The following GCLM variants were observed in gnomAD, a reference collection of about 807,000 sequenced individuals.
GCLM encodes glutamate--cysteine ligase regulatory subunit.
GCLM carries 15 observed loss-of-function variants against 36.0 expected under a neutral mutation model. The ratio of observed to expected loss-of-function variants is 0.42; its 90% confidence interval spans 0.28 to 0.64. GCLM has a LOEUF of 0.64. GCLM is among the 30% of genes least tolerant of loss of function. The pLI is 0.25. For missense variants in GCLM, 242 were observed against 325.5 expected (o/e 0.74, Z 1.97); for synonymous variants, 129 against 122.8 (o/e 1.05, Z -0.34).
chr1:93,903,362 G>C (rs1657028765), intron 2 of GCLM, among the ~76,000 whole-genome samples: 1 of 151,818 alleles, frequency 6.6e-6, no homozygotes, highest in Non-Finnish European at 1.5e-5. Flanking sequence ...TCAGGCTAGA[G>C]TGCAGTGGTG....
In GCLM at chr1:93,889,275, A is replaced by G. The variant is rs577632659; in HGVS notation, c.656-116T>C. 9.9e-5 allele frequency: 55 copies of G among 553,444 alleles called. No homozygotes were observed. The African/African-American group carries it at 1.0e-3, about 10-fold the overall frequency. The allele number at this position is 553,444 out of a possible 1,614,324, so 34.3% of individuals were successfully genotyped here. A position where few individuals can be genotyped will look rare whatever the true frequency, so the allele number is the denominator to read the frequency against. On this transcript the variant is annotated intron_variant, in intron 6 of 6. Coordinates refer to ENST00000370238, the MANE Select transcript of GCLM (RefSeq NM_002061.4). ...AAAGAAACACCTCAACATTTAATAT[A>G]TAATATGCTTATTCTTCATGTGTGT...
intron 2 of GCLM, among the ~76,000 whole-genome samples, chr1:93,902,742 T>C (rs532206679): frequency 3.3e-4 from 51 of 152,294 alleles, no homozygotes; most frequent in Admixed American, 2.9e-3. Context: ...GAAAACCATA[T>C]AATAACATGT....
intron 2 of GCLM, among the ~76,000 whole-genome samples, chr1:93,902,699 T>A (rs915833626): frequency 1.3e-5 from 2 of 152,094 alleles, no homozygotes; most frequent in African/African-American, 4.8e-5. Context: ...TATCTTAGGG[T>A]TTACTCTTGG....
chr1:93,907,322 T>C (rs2301022), intron 1 of GCLM, among the ~76,000 whole-genome samples: 93,955 of 152,108 alleles, frequency 0.62, 29,803 homozygotes, highest in East Asian at 0.77. Flanking sequence ...GAAACCAGAA[T>C]TAGTCCTTTG....
In GCLM at chr1:93,909,328, G is replaced by A; in HGVS notation, c.-165C>T. On this transcript the variant is annotated 5_prime_UTR_variant, in exon 1 of 7. Transcript: ENST00000370238. ...AGCCTGGTCTGCGCTCGGGCCCGAGGGAGGCCGGACGGCGGCTGGGCGGCG... is the reference window on the plus strand; with the variant it reads ...AGCCTGGTCTGCGCTCGGGCCCGAGAGAGGCCGGACGGCGGCTGGGCGGCG... 9.7e-7 allele frequency: 1 copy of A among 1,035,356 alleles called. No individual in the cohort carries two copies. The highest frequency in any genetic ancestry group is 1.2e-6 in the Non-Finnish European group (1 of 863,812). The allele number at this position is 1,035,356 out of a possible 1,614,324, so 64.1% of individuals were successfully genotyped here.
chr1:93,908,889 G>T, intron 1 of GCLM, 149 bp downstream of exon 1: 1 of 564,516 alleles, frequency 1.8e-6, no homozygotes, highest in Non-Finnish European at 2.7e-6. Flanking sequence ...CGTCGACACT[G>T]GCCTCAGCAT....
Position 93,909,130 on chromosome 1 carries a change from G to A in GCLM, c.34C>T (p.Leu12=), listed in dbSNP as rs776524476. The A allele has an allele frequency of 7.1e-7, 1 of 1,409,128 alleles. No homozygotes were observed. The allele number at this position is 1,409,128 out of a possible 1,614,324, so 87.3% of individuals were successfully genotyped here. A position where few individuals can be genotyped will look rare whatever the true frequency, so the allele number is the denominator to read the frequency against. The change falls in exon 1 of 7, where the codon CTG becomes TTG. Residue 12 remains leucine, a synonymous_variant. Coordinates refer to ENST00000370238, the MANE Select transcript of GCLM (RefSeq NM_002061.4). ...AGGTGCAGGGTGCGGGCCCGCGCCA[G>A]GAGCGCCTTGGCCGCGCGGCTGTCG... ...GTDSRAAKAL[L]ARARTLHLQT... is the part of the protein sequence containing the mutation.
At position 93,901,489 on chromosome 1, in the gene GCLM, A is replaced by G. The variant is rs1255219647; in HGVS notation, c.277+96T>C. 2.3e-5 allele frequency: 17 copies of G among 748,390 alleles called. No individual in the cohort carries two copies. In the East Asian group the frequency reaches 4.2e-4, roughly 19 times the overall value. The allele number at this position is 748,390 out of a possible 1,614,324, so 46.4% of individuals were successfully genotyped here. A position where few individuals can be genotyped will look rare whatever the true frequency, so the allele number is the denominator to read the frequency against. ...AAAAAAGAATTTCTGTATTTCCCACATTTAGTGTCTGAGCAAAGAAAGGCT... is the reference window on the plus strand; with the variant it reads ...AAAAAAGAATTTCTGTATTTCCCACGTTTAGTGTCTGAGCAAAGAAAGGCT... On this transcript the variant is annotated intron_variant, in intron 3 of 6. Transcript: ENST00000370238.
In GCLM at chr1:93,897,450, G is replaced by A. The variant is rs185701421; in HGVS notation, c.337+389C>T. Among the ~76,000 whole-genome samples the A allele has an allele frequency of 3.4e-4, 51 of 151,276 alleles. 1 individual carries two copies. The East Asian group carries it at 6.4e-3, about 19-fold the overall frequency. On this transcript the variant is annotated intron_variant, in intron 4 of 6. Transcript: ENST00000370238. ...AATACTGGAATAATTTTTTATTTAA[G>A]TATTGAATAACTTTAATATCACAAT...
At chr1:93,904,219 T>C (rs1657064539) in intron 2 of GCLM, 2 of 329,176 alleles carry the variant, frequency 6.1e-6, no homozygotes, top group African/African-American at 2.2e-5. Context: ...CCAATCACAA[T>C]TGATAATCAT....
intron 2 of GCLM, among the ~76,000 whole-genome samples, chr1:93,903,030 T>C (rs746514623): frequency 1.6e-4 from 25 of 152,290 alleles, no homozygotes; most frequent in Non-Finnish European, 2.1e-4. Flanking sequence ...GATAGCTCAT[T>C]TCTTTTAAGC....
Position 93,890,778 on chromosome 1 carries a change from C to T in GCLM, c.656-1619G>A, listed in dbSNP as rs561384336. Among the ~76,000 whole-genome samples, 11 of 152,200 alleles carry T rather than the reference C, an allele frequency of 7.2e-5. No individual in the cohort carries two copies. In the South Asian group the frequency reaches 1.2e-3, roughly 17 times the overall value. On this transcript the variant is annotated intron_variant, in intron 6 of 6. Coordinates refer to ENST00000370238, the MANE Select transcript of GCLM (RefSeq NM_002061.4). Reference sequence around the variant, plus strand: ...AAGTACATTCTTAAAGCTAGATACACGCTATATTGCCAACTGCTTTACAGA... The same window carrying T: ...AAGTACATTCTTAAAGCTAGATACATGCTATATTGCCAACTGCTTTACAGA...
chr1:93,889,523 T>G (rs923767121), intron 6 of GCLM, among the ~76,000 whole-genome samples: 1 of 152,040 alleles, frequency 6.6e-6, no homozygotes, highest in African/African-American at 2.4e-5. Flanking sequence ...GGAGATGATA[T>G]AACATTGTCA....
intron 5 of GCLM, 39 bp downstream of exon 5, chr1:93,896,579 A>G (rs1452289704): frequency 6.6e-7 from 1 of 1,521,888 alleles, no homozygotes; most frequent in Non-Finnish European, 9.1e-7. Flanking sequence ...GAAAAGGGCA[A>G]GTTCTTCCTG....
chr1:93,889,491 G>GT (rs1423122697), intron 6 of GCLM, among the ~76,000 whole-genome samples: 1 of 151,898 alleles, frequency 6.6e-6, no homozygotes, highest in Non-Finnish European at 1.5e-5. Context: ...GAAAAAAAAA[G>GT]TAACTGATAA....
At chr1:93,904,682 A>G (rs529591274) in intron 1 of GCLM, 94 bp from the exon 2 acceptor site, 1 of 815,918 alleles carries the variant, frequency 1.2e-6, no homozygotes, top group Admixed American at 2.2e-5. Flanking sequence ...TAAGCAGGAA[A>G]AAAAAGATAG....
chr1:93,899,191 A>G (rs1346676068), intron 3 of GCLM, among the ~76,000 whole-genome samples: 2 of 151,810 alleles, frequency 1.3e-5, no homozygotes, highest in South Asian at 2.1e-4. Flanking sequence ...CTCATGCCTC[A>G]GCCACCCAAG....
intron 6 of GCLM, among the ~76,000 whole-genome samples, chr1:93,893,264 A>C (rs918286947): frequency 4.6e-5 from 7 of 151,966 alleles, no homozygotes; most frequent in African/African-American, 1.4e-4. Context: ...ATTTCCTGAC[A>C]AAAAAAATGT....
Position 93,909,103 on chromosome 1 carries a change from G to T in GCLM, c.61C>A (p.Gln21Lys). ...LLARARTLHL[Q>K]TGNLLNWGRL... ...CCCCAGTTCAGCAGGTTCCCCGTCT[G>T]CAGGTGCAGGGTGCGGGCCCGCGCC... The change falls in exon 1 of 7, where the codon CAG becomes AAG. Residue 21 changes from glutamine to lysine, a missense_variant. By Grantham distance (53) the Gln-to-Lys change is moderately conservative. Transcript: ENST00000370238. The T allele has an allele frequency of 6.8e-7, 1 of 1,471,742 alleles. No individual in the cohort carries two copies. Among genetic ancestry groups the T allele is most frequent in the Non-Finnish European group, 9.0e-7 (1 of 1,116,470 alleles). The allele number at this position is 1,471,742 out of a possible 1,614,324, so 91.2% of individuals were successfully genotyped here.
Sources: allele counts gnomAD v4.1 joint callset (sites outside exome capture counted in the v4.1 genomes callset), GRCh38; gene constraint gnomAD v4.1.1; transcripts MANE v1.5; gene names NCBI Gene and HGNC (gene_info 2026-07-23, HGNC 2026-07-21).